The following PRDM11 variants were observed in gnomAD, a reference collection of about 807,000 sequenced individuals.
The protein encoded by PRDM11 is PR domain-containing protein 11.
In PRDM11, 20 loss-of-function variants were observed where a neutral mutation model predicts 97.8. The observed-to-expected ratio is 0.20, with a 90% CI of 0.14 to 0.30. The LOEUF (loss-of-function observed/expected upper bound fraction) is 0.30. PRDM11 is among the 10% of genes least tolerant of loss of function. The probability of loss-of-function intolerance (pLI) is 1.00; values close to 1 mark genes in which losing one functional copy is unlikely to be tolerated. For missense variants in PRDM11, 1,139 were observed against 1,555.2 expected, an observed-to-expected ratio of 0.73 and a Z score of 4.50; for synonymous variants, 599 against 637.7, an observed-to-expected ratio of 0.94 and a Z score of 0.91.
At chr11:45,213,101 C>A (rs981230228) in intron 5 of PRDM11, 1 of 455,580 alleles carries the variant, frequency 2.2e-6, no homozygotes, top group East Asian at 7.0e-5. Context: ...GGCCTCACAA[C>A]AGGGGCCAGT....
chr11:45,209,201 C>T (rs1214507273), intron 5 of PRDM11: 4 of 441,472 alleles, frequency 9.1e-6, no homozygotes, highest in South Asian at 1.6e-5. Context: ...TCACGGCCCA[C>T]GAGAGGGCCA....
chr11:45,200,846 T>C (rs1036625754), intron 4 of PRDM11, among the ~76,000 whole-genome samples: 1 of 152,322 alleles, frequency 6.6e-6, no homozygotes, highest in East Asian at 1.9e-4. Context: ...TACAGTCTTA[T>C]AGACAAATTA....
At chr11:45,134,261 T>C (rs1049723813) in intron 1 of PRDM11, among the ~76,000 whole-genome samples, 3 of 152,106 alleles carry the variant, frequency 2.0e-5, no homozygotes, top group Admixed American at 6.5e-5. Flanking sequence ...GCAGGAGATA[T>C]AGAAGAAAAC....
intron 5 of PRDM11, chr11:45,212,390 C>CA (rs1023849229): frequency 2.9e-6 from 1 of 345,774 alleles, no homozygotes; most frequent in Non-Finnish European, 5.8e-6. Flanking sequence ...AGGTGTTTTT[C>CA]AGGGGCAGGG....
intron 1 of PRDM11, among the ~76,000 whole-genome samples, chr11:45,128,878 A>T (rs1565244490): frequency 2.0e-5 from 3 of 152,174 alleles, no homozygotes; most frequent in Non-Finnish European, 4.4e-5. Context: ...GAAAGAAAAA[A>T]TTGCAGGCCA....
At chr11:45,180,679 C>T (rs933188477) in intron 1 of PRDM11, among the ~76,000 whole-genome samples, 2 of 150,114 alleles carry the variant, frequency 1.3e-5, no homozygotes, top group African/African-American at 2.4e-5. Context: ...GGGCGGGGGG[C>T]GGGCGCTGGG....
intron 6 of PRDM11, among the ~76,000 whole-genome samples, 193 bp from the exon 7 acceptor site, chr11:45,224,024 C>T (rs939744773): frequency 2.0e-5 from 3 of 152,190 alleles, no homozygotes; most frequent in Admixed American, 6.5e-5. Context: ...GTCTTTCCAC[C>T]GTTCAGGTCC....
chr11:45,103,064 C>G (rs1312895067), intron 1 of PRDM11, among the ~76,000 whole-genome samples: 1 of 152,192 alleles, frequency 6.6e-6, no homozygotes, highest in African/African-American at 2.4e-5. Context: ...TACTCCCAGC[C>G]CAGTGCTCAT....
chr11:45,153,060 C>G (rs1404351969), intron 1 of PRDM11, among the ~76,000 whole-genome samples: 1 of 152,220 alleles, frequency 6.6e-6, no homozygotes, highest in African/African-American at 2.4e-5. Flanking sequence ...AAGGTGAGAG[C>G]TGAGAGTGAC....
At chr11:45,149,580 G>A (rs1019489369) in intron 1 of PRDM11, among the ~76,000 whole-genome samples, 2 of 152,196 alleles carry the variant, frequency 1.3e-5, no homozygotes, top group Non-Finnish European at 2.9e-5. Flanking sequence ...TTGGGTGGGG[G>A]CCCCATGACT....
intron 1 of PRDM11, among the ~76,000 whole-genome samples, chr11:45,161,911 G>T (rs1271561699): frequency 6.6e-6 from 1 of 152,224 alleles, no homozygotes. Flanking sequence ...CTCTCCCAAA[G>T]CCACATAGGT....
intron 1 of PRDM11, among the ~76,000 whole-genome samples, chr11:45,125,204 A>G (rs1852537493): frequency 6.6e-6 from 1 of 151,656 alleles, no homozygotes. Flanking sequence ...ATCATTTTTT[A>G]TTGCATCTAT....
At chr11:45,184,611 T>G (rs1418516813) in intron 4 of PRDM11, among the ~76,000 whole-genome samples, 1 of 152,054 alleles carries the variant, frequency 6.6e-6, no homozygotes, top group Non-Finnish European at 1.5e-5. Flanking sequence ...ACATCTGCAG[T>G]CTCCCAACAG....
intron 1 of PRDM11, among the ~76,000 whole-genome samples, chr11:45,149,157 G>T (rs958585287): frequency 1.3e-5 from 2 of 152,212 alleles, no homozygotes; most frequent in African/African-American, 4.8e-5. Context: ...AACAGCAAGA[G>T]CCTCCTAATG....
chr11:45,165,363 C>G (rs1465123313), intron 1 of PRDM11, among the ~76,000 whole-genome samples: 1 of 152,236 alleles, frequency 6.6e-6, no homozygotes, highest in African/African-American at 2.4e-5. Flanking sequence ...AGCAACCGTT[C>G]TGGGTGCTGG....
chr11:45,217,414 A>G (rs1295086434), intron 5 of PRDM11, among the ~76,000 whole-genome samples: 1 of 152,214 alleles, frequency 6.6e-6, no homozygotes, highest in Non-Finnish European at 1.5e-5. Flanking sequence ...TGTGATAAGA[A>G]CACCGATGTG....
Position 45,219,643 on chromosome 11 carries a change from C to T in PRDM11, c.628C>T (p.Arg210Trp), listed in dbSNP as rs747236779. Residue 210 changes from arginine to tryptophan, a missense_variant, in exon 6 of 8, where the codon CGG becomes TGG. Transcript: ENST00000683152. This position sits in a 1 kb window ranked among gnomAD's most constrained non-coding sequence, Gnocchi z 4.2. ...AFQHSERIYF[R>W]ACRDIRPGEW... ...CCAGCACAGTGAGCGCATCTACTTC[C>T]GGGCGTGCAGGGACATCCGGCCTGG... is the stretch of plus-strand genomic sequence containing the variant. 3 of 1,614,068 alleles carry T rather than the reference C, an allele frequency of 1.9e-6. No homozygotes were observed. Among genetic ancestry groups the T allele is most frequent in the Non-Finnish European group, 2.5e-6 (3 of 1,180,014 alleles).
At chr11:45,126,979 A>C (rs548244077) in intron 1 of PRDM11, among the ~76,000 whole-genome samples, 2 of 152,314 alleles carry the variant, frequency 1.3e-5, no homozygotes, top group East Asian at 1.9e-4. Flanking sequence ...TACGCCAATC[A>C]GATGTAGATT....
At chr11:45,166,172 G>A (rs945196711) in intron 1 of PRDM11, among the ~76,000 whole-genome samples, 1 of 152,232 alleles carries the variant, frequency 6.6e-6, no homozygotes, top group Non-Finnish European at 1.5e-5. Context: ...TTCAGGTACA[G>A]TTGGATCCAG....
Sources: allele counts gnomAD v4.1 joint callset (sites outside exome capture counted in the v4.1 genomes callset), GRCh38; gene constraint gnomAD v4.1.1; non-coding constraint Gnocchi (gnomAD v3.1); transcripts MANE v1.5; gene names NCBI Gene and HGNC (gene_info 2026-07-23, HGNC 2026-07-21).